NOSTRIN: variants seen among roughly 807,000 people sequenced by gnomAD.
The protein encoded by NOSTRIN is BM247 homolog.
In NOSTRIN, 63 loss-of-function variants were observed where a neutral mutation model predicts 59.0. The observed-to-expected ratio is 1.07, with a 90% CI of 0.87 to 1.32. The LOEUF is 1.32. NOSTRIN is among the 40% of genes most tolerant of loss of function. NOSTRIN has a pLI of 0.00. For missense variants in NOSTRIN, 512 were observed against 473.1 expected (o/e 1.08, Z -0.76); for synonymous variants, 200 against 165.4 (o/e 1.21, Z -1.61).
intron 7 of NOSTRIN, among the ~76,000 whole-genome samples, chr2:168,835,381 C>G (rs528249392): frequency 6.6e-6 from 1 of 152,132 alleles, no homozygotes; most frequent in African/African-American, 2.4e-5. Context: ...CCCTGGCCAG[C>G]CTTCTCGATA....
chr2:168,858,026 A>G (rs1251916838), intron 12 of NOSTRIN, among the ~76,000 whole-genome samples: 1 of 152,262 alleles, frequency 6.6e-6, no homozygotes. Flanking sequence ...CCGTGGCTAC[A>G]GTTTTTATGA....
chr2:168,854,422 C>T (rs1407644355), intron 10 of NOSTRIN, among the ~76,000 whole-genome samples: 1 of 152,150 alleles, frequency 6.6e-6, no homozygotes, highest in African/African-American at 2.4e-5. Flanking sequence ...TGTCCCTCTG[C>T]CACTCATGTT....
rs541029602 is a variant in NOSTRIN, at chr2:168,825,129, A to G, written c.197+412A>G. 2.6e-5 allele frequency among the ~76,000 whole-genome samples: 4 copies of G among 152,348 alleles called. No individual in the cohort carries two copies. The South Asian group carries it at 8.3e-4, about 32-fold the overall frequency. On this transcript the variant is annotated intron_variant, in intron 3 of 15. Coordinates refer to ENST00000317647, the MANE Select transcript of NOSTRIN (RefSeq NM_001039724.4). ...TTCCTCTTCTAAACATGGCAAGTACATAACATCAAGCATGGCTTCCAGTTC... is the reference window on the plus strand; with the variant it reads ...TTCCTCTTCTAAACATGGCAAGTACGTAACATCAAGCATGGCTTCCAGTTC...
intron 8 of NOSTRIN, among the ~76,000 whole-genome samples, chr2:168,848,061 T>C (rs191247386): frequency 6.6e-6 from 1 of 152,356 alleles, no homozygotes; most frequent in African/African-American, 2.4e-5. Flanking sequence ...CTCTTCTCTC[T>C]TGCTCATAGG....
intron 14 of NOSTRIN, 51 bp downstream of exon 14, chr2:168,860,960 A>G (rs779886702): frequency 1.7e-6 from 2 of 1,152,682 alleles, no homozygotes; most frequent in Admixed American, 3.6e-5. Flanking sequence ...GGCAGGGCAC[A>G]TTGCTACATT....
chr2:168,862,665 A>G (rs1485199452), intron 15 of NOSTRIN, among the ~76,000 whole-genome samples: 1 of 152,212 alleles, frequency 6.6e-6, no homozygotes, highest in African/African-American at 2.4e-5. Flanking sequence ...TCTTTGTGTC[A>G]CAGAGTTTTA....
At chr2:168,821,466 G>A (rs986853619) in intron 2 of NOSTRIN, among the ~76,000 whole-genome samples, 1 of 152,212 alleles carries the variant, frequency 6.6e-6, no homozygotes, top group Non-Finnish European at 1.5e-5. Flanking sequence ...TACATACTGA[G>A]TGCCTGTTAT....
intron 7 of NOSTRIN, among the ~76,000 whole-genome samples, chr2:168,839,684 T>C: frequency 6.6e-6 from 1 of 151,198 alleles, no homozygotes; most frequent in Non-Finnish European, 1.5e-5. Flanking sequence ...GAGGCTGAGG[T>C]GGGCAGATTA....
At chr2:168,829,897 CA>C (rs1432007692) in intron 5 of NOSTRIN, among the ~76,000 whole-genome samples, 1 of 152,034 alleles carries the variant, frequency 6.6e-6, no homozygotes, top group East Asian at 1.9e-4. Flanking sequence ...AGTGGCAAGT[CA>C]GAAGGATGAG....
At chr2:168,821,687 C>T (rs1568550) in intron 2 of NOSTRIN, among the ~76,000 whole-genome samples, 36,163 of 152,132 alleles carry the variant, frequency 0.24, 4,849 homozygotes, top group Middle Eastern at 0.31. Context: ...CAGTGATGTT[C>T]GAGCAGCTCC....
At chr2:168,834,354 G>C (rs1559122542) in intron 7 of NOSTRIN, 29 bp downstream of exon 7, 2 of 867,636 alleles carry the variant, frequency 2.3e-6, no homozygotes, top group Non-Finnish European at 4.0e-6. Context: ...CTGGGCGCAT[G>C]TGCCATAGAG....
chr2:168,833,506 GGCT>G (rs1687489077), intron 6 of NOSTRIN, among the ~76,000 whole-genome samples: 1 of 152,194 alleles, frequency 6.6e-6, no homozygotes, highest in Admixed American at 6.5e-5. Flanking sequence ...TTCCTGAACA[GGCT>G]AAATCCAACT....
intron 13 of NOSTRIN, 101 bp from the exon 14 acceptor site, chr2:168,860,694 A>G: frequency 1.3e-6 from 1 of 763,450 alleles, no homozygotes; most frequent in South Asian, 1.9e-5. Flanking sequence ...AAAAACAAAC[A>G]GAAAAAACAA....
At chr2:168,792,270 A>G (rs1370098662) in intron 2 of NOSTRIN, among the ~76,000 whole-genome samples, 1 of 152,218 alleles carries the variant, frequency 6.6e-6, no homozygotes, top group African/African-American at 2.4e-5. Flanking sequence ...TTCAAGAGTC[A>G]TAAAGTGTTA....
chr2:168,788,026 C>T (rs1685250009), exon 2 of NOSTRIN: 1 of 149,264 alleles, frequency 6.7e-6, no homozygotes, highest in Non-Finnish European at 1.5e-5. Context: ...GATAAATCAG[C>T]AAAGAAAATA....
At chr2:168,849,059 C>T (rs6742716) in intron 8 of NOSTRIN, among the ~76,000 whole-genome samples, 2,386 of 152,270 alleles carry the variant, frequency 0.016, 58 homozygotes, top group African/African-American at 0.053. Context: ...TGAATCAGGC[C>T]AATGGGCTCC....
intron 7 of NOSTRIN, among the ~76,000 whole-genome samples, chr2:168,835,149 A>G (rs1687645161): frequency 6.6e-6 from 1 of 151,802 alleles, no homozygotes; most frequent in African/African-American, 2.4e-5. Flanking sequence ...ATCTTGGCTC[A>G]TTGCATCCTC....
Position 168,851,364 on chromosome 2 carries a change from C to T in NOSTRIN, c.815C>T (p.Ser272Phe). 6.2e-7 allele frequency: 1 copy of T among 1,612,786 alleles called. No homozygotes were observed. Among genetic ancestry groups the T allele is most frequent in the East Asian group, 2.2e-5 (1 of 44,862 alleles). Residue 272 changes from serine to phenylalanine, a missense_variant, in exon 10 of 16, where the codon TCT (serine) becomes TTT (phenylalanine). Physicochemically the swap from Ser to Phe is radical, Grantham distance 155. Transcript: ENST00000317647. ...GTAATGGAAGAAACTGCAATTTTAT[C>T]TACAGAAAACAAATCTGAGTTCCTG... ...QAVMEETAIL[S>F]TENKSEFLLT...
chr2:168,793,601 A>G (rs1685410849), upstream of NOSTRIN, among the ~76,000 whole-genome samples: 1 of 152,168 alleles, frequency 6.6e-6, no homozygotes, highest in Admixed American at 6.5e-5. Flanking sequence ...ACAGAGTGAG[A>G]CCCTGTCTCA....
Sources: gnomAD v4.1 joint callset for allele counts (sites outside exome capture counted in the v4.1 genomes callset) on GRCh38, gnomAD v4.1.1 for gene constraint, MANE v1.5 for transcripts, NCBI Gene and HGNC (gene_info 2026-07-23, HGNC 2026-07-21) for gene names.